CHD1: variants seen among roughly 807,000 people sequenced by gnomAD.
CHD1 encodes ATP-dependent chromatin remodeler CHD1.
Under a neutral mutation model 224.2 loss-of-function variants are expected in CHD1, and 36 were observed. The ratio of observed to expected loss-of-function variants is 0.16; its 90% CI spans 0.12 to 0.21. The LOEUF is 0.21. CHD1 is among the 10% of genes least tolerant of loss of function. The pLI is 1.00. For synonymous variants in CHD1, 668 were observed against 658.3 expected, an observed-to-expected ratio of 1.01 and a Z score of -0.23; for missense variants, 1,378 against 1,994.8, an observed-to-expected ratio of 0.69 and a Z score of 5.89.
chr5:98,894,737 T>C, intron 12 of CHD1, 51 bp from the exon 13 acceptor site: 1 of 731,698 alleles, frequency 1.4e-6, no homozygotes, highest in South Asian at 1.8e-5. Context: ...AAGCAAATTA[T>C]ACTTTTACTT....
intron 32 of CHD1, 151 bp from the exon 33 acceptor site, chr5:98,860,219 A>AT (rs1171961806): frequency 3.1e-6 from 2 of 641,644 alleles, no homozygotes. Context: ...TTTCCTATGC[A>AT]TTTTTTCAAA....
intron 30 of CHD1, chr5:98,869,238 T>A (rs781400582): frequency 1.0e-6 from 1 of 985,326 alleles, no homozygotes; most frequent in Non-Finnish European, 1.2e-6. Flanking sequence ...CTTTCTGTTT[T>A]AATTTTTTTA....
chr5:98,901,744 A>G (rs1314427647), intron 5 of CHD1, among the ~76,000 whole-genome samples: 1 of 135,914 alleles, frequency 7.4e-6, no homozygotes, highest in Non-Finnish European at 1.6e-5. Context: ...GAAACATAGA[A>G]AAATTAAAAA....
At chr5:98,870,997 G>C (rs1433703261) in intron 28 of CHD1, among the ~76,000 whole-genome samples, 194 bp from the exon 29 acceptor site, 2 of 151,914 alleles carry the variant, frequency 1.3e-5, no homozygotes, top group Non-Finnish European at 2.9e-5. Context: ...ATTTTTCTGA[G>C]AATGAATTCT....
intron 17 of CHD1, among the ~76,000 whole-genome samples, chr5:98,886,387 T>C (rs949769925): frequency 1.3e-5 from 2 of 152,192 alleles, no homozygotes; most frequent in Admixed American, 6.5e-5. Flanking sequence ...TCATAGACTA[T>C]AGAGAACTCA....
chr5:98,886,427 A>G (rs758239193), intron 17 of CHD1, among the ~76,000 whole-genome samples: 9 of 152,234 alleles, frequency 5.9e-5, no homozygotes, highest in Non-Finnish European at 1.2e-4. Flanking sequence ...CATGTAGCAC[A>G]GTGCCTACAA....
rs546901978 is a variant in CHD1 at position 98,915,812 on chromosome 5, C to G, written c.53+10522G>C. Among the ~76,000 whole-genome samples the G allele has an allele frequency of 2.6e-5, 4 of 152,106 alleles. No individual in the cohort carries two copies. In the South Asian group the frequency reaches 8.3e-4, roughly 32 times the overall value. ...GAAGCTATATGGTGTGTACATGGGGCTCATTTTACTACTGTCAGTACTTTA... is the reference window on the plus strand; with the variant it reads ...GAAGCTATATGGTGTGTACATGGGGGTCATTTTACTACTGTCAGTACTTTA... On this transcript the variant is annotated intron_variant, in intron 2 of 35. Coordinates refer to ENST00000614616, the MANE Select transcript of CHD1 (RefSeq NM_001270.4).
chr5:98,895,745 CA>C (rs200185039), intron 12 of CHD1, among the ~76,000 whole-genome samples: 3,813 of 116,204 alleles, frequency 0.033, 140 homozygotes, highest in African/African-American at 0.11. Flanking sequence ...AGAGTGAAAA[CA>C]AAAAAAAAAA....
At chr5:98,910,649 CGAATAA>C (rs1752328580) in intron 2 of CHD1, among the ~76,000 whole-genome samples, 1 of 151,946 alleles carries the variant, frequency 6.6e-6, no homozygotes, top group Non-Finnish European at 1.5e-5. Flanking sequence ...GAGCAAATTA[CGAATAA>C]GAATGTTTAT....
At chr5:98,886,774 T>C (rs1038986119) in intron 17 of CHD1, among the ~76,000 whole-genome samples, 2 of 152,180 alleles carry the variant, frequency 1.3e-5, no homozygotes, top group African/African-American at 2.4e-5. Context: ...CTAAAATACA[T>C]ATTAGTACAA....
intron 27 of CHD1, 45 bp downstream of exon 27, chr5:98,872,369 AATT>A: frequency 6.4e-7 from 1 of 1,565,608 alleles, no homozygotes; most frequent in Non-Finnish European, 8.7e-7. Context: ...TTCATTTTGC[AATT>A]ATTGAATAAC....
At chr5:98,919,202 G>C (rs6864720) in intron 2 of CHD1, among the ~76,000 whole-genome samples, 3,206 of 152,156 alleles carry the variant, frequency 0.021, 115 homozygotes, top group African/African-American at 0.074. Flanking sequence ...TAAGATGAAG[G>C]AATTGTTCTG....
chr5:98,861,439 T>C (rs183399757), intron 32 of CHD1, among the ~76,000 whole-genome samples: 10 of 152,250 alleles, frequency 6.6e-5, no homozygotes, highest in South Asian at 4.1e-4. Flanking sequence ...TTGAAAAAAA[T>C]TGTAAGCAAA....
At chr5:98,869,605 CGTGCGCACGT>C (rs1325824927) in intron 30 of CHD1, 139 bp downstream of exon 30, 5 of 721,090 alleles carry the variant, frequency 6.9e-6, no homozygotes, top group South Asian at 1.8e-5. Context: ...ACTATAAGTG[CGTGCGCACGT>C]GCGCGCGCAC....
chr5:98,866,982 G>A (rs534980425), intron 31 of CHD1, among the ~76,000 whole-genome samples: 3 of 152,070 alleles, frequency 2.0e-5, no homozygotes, highest in Non-Finnish European at 2.9e-5. Flanking sequence ...CGATTTCTGA[G>A]CTTTTCTGAA....
chr5:98,898,205 T>A, intron 10 of CHD1, 51 bp downstream of exon 10: 1 of 990,068 alleles, frequency 1.0e-6, no homozygotes, highest in Non-Finnish European at 1.3e-6. Context: ...TGTAAATATT[T>A]ATAATGTATA....
chr5:98,861,463 A>T (rs953687063), intron 32 of CHD1, among the ~76,000 whole-genome samples: 1 of 152,210 alleles, frequency 6.6e-6, no homozygotes, highest in Non-Finnish European at 1.5e-5. Flanking sequence ...CAAAAAGATC[A>T]TTATGGTAAC....
chr5:98,883,859 A>ATTT (rs1382869792), intron 18 of CHD1: 29 of 28,836 alleles, frequency 1.0e-3, no homozygotes, highest in Non-Finnish European at 1.7e-3. Context: ...ATATATATAT[A>ATTT]TATTTTTTTT....
At chr5:98,875,980 T>C (rs899170102) in intron 24 of CHD1, among the ~76,000 whole-genome samples, 2 of 152,166 alleles carry the variant, frequency 1.3e-5, no homozygotes, top group Admixed American at 6.5e-5. Flanking sequence ...GAAATGCTTT[T>C]AACAGGGTTA....
Sources: gnomAD v4.1 joint callset for allele counts (sites outside exome capture counted in the v4.1 genomes callset) on GRCh38, gnomAD v4.1.1 for gene constraint, MANE v1.5 for transcripts, NCBI Gene and HGNC (gene_info 2026-07-23, HGNC 2026-07-21) for gene names.